SLX4IP: variants seen among roughly 807,000 people sequenced by gnomAD.
The protein encoded by SLX4IP is protein SLX4IP.
SLX4IP carries 34 observed loss-of-function variants against 32.9 expected under a neutral mutation model. That is an observed-to-expected ratio of 1.03 (90% CI 0.79 to 1.38). SLX4IP has a LOEUF of 1.38. Among genes scored for constraint, SLX4IP ranks in the 40% most tolerant of loss-of-function variants. The pLI, the probability that SLX4IP is intolerant of heterozygous loss-of-function variation, is 0.00. For missense variants in SLX4IP, 444 were observed against 479.0 expected (o/e 0.93, Z 0.68); for synonymous variants, 172 against 171.7 (o/e 1.00, Z -0.01).
rs186431233 is a variant in SLX4IP, at chr20:10,499,769, A to G, written c.27+41538A>G. ...GATATTTTTAAAATGTAGTCCTTTA[A>G]AAGTCAAAATGATAAAAGTTAAATA... On this transcript the variant is annotated intron_variant, in intron 2 of 7. Transcript: ENST00000334534. Among the ~76,000 whole-genome samples, 10 of 152,370 alleles carry G rather than the reference A, an allele frequency of 6.6e-5. No individual in the cohort carries two copies. In the East Asian group the frequency reaches 1.9e-3, roughly 29 times the overall value.
rs369226237 is a variant in SLX4IP, at chr20:10,572,523, A to G, written c.238+11703A>G. Among the ~76,000 whole-genome samples the G allele has an allele frequency of 1.7e-4, 26 of 152,272 alleles. No individual in the cohort carries two copies. The East Asian group carries it at 4.3e-3, about 25-fold the overall frequency. ...CTTCCAGCTGTAAGCACTTGCCTCA[A>G]TGCATTTTGTCTAAATAGGGTTCAG... On this transcript the variant is annotated intron_variant, in intron 4 of 7. Transcript: ENST00000334534.
intron 6 of SLX4IP, among the ~76,000 whole-genome samples, chr20:10,620,967 C>A (rs78276048): frequency 0.024 from 3,594 of 152,284 alleles, 103 homozygotes; most frequent in African/African-American, 0.069. Flanking sequence ...CTCACAGGCA[C>A]GTTGCCCCAC....
intron 2 of SLX4IP, among the ~76,000 whole-genome samples, chr20:10,547,587 T>C (rs1351542893): frequency 6.6e-6 from 1 of 152,246 alleles, no homozygotes; most frequent in Non-Finnish European, 1.5e-5. Context: ...ACTTGCATCT[T>C]GTTCTGCCTG....
chr20:10,621,205 C>A, intron 6 of SLX4IP, 109 bp from the exon 7 acceptor site: 1 of 969,692 alleles, frequency 1.0e-6, no homozygotes, highest in Non-Finnish European at 1.6e-6. Flanking sequence ...CAGTTTCATT[C>A]AGTCTTTACA....
intron 1 of SLX4IP, among the ~76,000 whole-genome samples, chr20:10,450,629 A>G (rs982588105): frequency 1.3e-5 from 2 of 152,276 alleles, no homozygotes; most frequent in African/African-American, 4.8e-5. Context: ...TTAAAAAATT[A>G]GGATCTCATC....
At chr20:10,487,823 A>G (rs1382540280) in intron 2 of SLX4IP, among the ~76,000 whole-genome samples, 2 of 152,338 alleles carry the variant, frequency 1.3e-5, no homozygotes, top group East Asian at 3.9e-4. Flanking sequence ...ACATGAGGGC[A>G]GGCATATTGC....
chr20:10,599,336 A>C (rs927620097), intron 5 of SLX4IP, among the ~76,000 whole-genome samples: 2 of 152,234 alleles, frequency 1.3e-5, no homozygotes, highest in East Asian at 3.8e-4. Flanking sequence ...AGGAACTTTA[A>C]AAAATTAACA....
intron 2 of SLX4IP, among the ~76,000 whole-genome samples, chr20:10,471,442 G>T (rs1296652560): frequency 6.6e-6 from 1 of 152,198 alleles, no homozygotes; most frequent in Non-Finnish European, 1.5e-5. Context: ...GCATAGCTGG[G>T]TTATGACCAG....
At chr20:10,616,270 A>C in intron 6 of SLX4IP, among the ~76,000 whole-genome samples, 1 of 151,886 alleles carries the variant, frequency 6.6e-6, no homozygotes, top group East Asian at 1.9e-4. Context: ...TCCAAGACCC[A>C]TCATCTCTGA....
intron 2 of SLX4IP, among the ~76,000 whole-genome samples, chr20:10,486,422 T>G (rs962561849): frequency 1.3e-5 from 2 of 152,132 alleles, no homozygotes; most frequent in Non-Finnish European, 2.9e-5. Flanking sequence ...TCTTTGTACC[T>G]GAAGAATCAA....
intron 4 of SLX4IP, among the ~76,000 whole-genome samples, chr20:10,589,107 A>G (rs2066677927): frequency 6.6e-6 from 1 of 152,206 alleles, no homozygotes; most frequent in African/African-American, 2.4e-5. Context: ...AAAAGATTTA[A>G]TAGGCATTTC....
At chr20:10,497,454 A>T (rs2065677961) in intron 2 of SLX4IP, among the ~76,000 whole-genome samples, 1 of 152,118 alleles carries the variant, frequency 6.6e-6, no homozygotes, top group Non-Finnish European at 1.5e-5. Context: ...AGGTGTTTTC[A>T]TCTGAGGAAT....
At chr20:10,469,511 T>A (rs1826830113) in intron 2 of SLX4IP, among the ~76,000 whole-genome samples, 1 of 152,218 alleles carries the variant, frequency 6.6e-6, no homozygotes, top group Admixed American at 6.5e-5. Flanking sequence ...GACATTATAT[T>A]TTATTTTAAT....
intron 4 of SLX4IP, among the ~76,000 whole-genome samples, chr20:10,583,740 T>C (rs1749349141): frequency 6.6e-6 from 1 of 152,214 alleles, no homozygotes; most frequent in Admixed American, 6.5e-5. Flanking sequence ...ACAATGTATA[T>C]ACAATGAAAA....
At chr20:10,566,045 G>T (rs746703891) in intron 4 of SLX4IP, among the ~76,000 whole-genome samples, 1 of 152,178 alleles carries the variant, frequency 6.6e-6, no homozygotes, top group Admixed American at 6.5e-5. Flanking sequence ...GGACAGTGAG[G>T]TAGGTAGATG....
In SLX4IP at chr20:10,625,044, C is replaced by G. The variant is rs1247108869; in HGVS notation, c.*1665C>G. ...TTTCCTGCTCCCAGCGGAACCCAGT[C>G]AGGGGATTCTATAGGAGAAGAGGGA... On this transcript the variant is annotated 3_prime_UTR_variant, in exon 8 of 8. Transcript: ENST00000334534. 6 of 151,802 alleles carry G rather than the reference C, an allele frequency of 4.0e-5. No homozygotes were observed. The highest frequency in any genetic ancestry group is 7.3e-5 in the Non-Finnish European group (5 of 68,048). The allele number at this position is 151,802 out of a possible 1,614,324, so 9.4% of individuals were successfully genotyped here.
chr20:10,539,442 T>C (rs543165720), intron 2 of SLX4IP, among the ~76,000 whole-genome samples: 1 of 152,066 alleles, frequency 6.6e-6, no homozygotes, highest in South Asian at 2.1e-4. Flanking sequence ...AATAGCAGAA[T>C]TGGAGTGGAG....
intron 2 of SLX4IP, among the ~76,000 whole-genome samples, chr20:10,500,834 G>C (rs533058260): frequency 4.7e-4 from 71 of 152,288 alleles, no homozygotes; most frequent in African/African-American, 1.6e-3. Flanking sequence ...TGATGTCTCA[G>C]GTACTCATTT....
At chr20:10,553,836 A>C (rs1236693898) in intron 2 of SLX4IP, among the ~76,000 whole-genome samples, 1 of 152,288 alleles carries the variant, frequency 6.6e-6, no homozygotes, top group Middle Eastern at 3.4e-3. Context: ...ACTAAAGTGC[A>C]CTCTTTTACA....
Sources: allele counts gnomAD v4.1 joint callset (sites outside exome capture counted in the v4.1 genomes callset), GRCh38; gene constraint gnomAD v4.1.1; transcripts MANE v1.5; gene names NCBI Gene and HGNC (gene_info 2026-07-23, HGNC 2026-07-21).